The following POTEB3 variants were observed in gnomAD, a reference collection of about 807,000 sequenced individuals.
The protein encoded by POTEB3 is POTE ankyrin domain family member B3.
Under a neutral mutation model 39.8 loss-of-function variants are expected in POTEB3, and 5 were observed. That is an observed-to-expected ratio of 0.13 (90% CI 0.07 to 0.26). POTEB3 has a LOEUF of 0.26. POTEB3 is among the 10% of genes least tolerant of loss of function. The pLI is 1.00. For missense variants in POTEB3, 24 were observed against 475.6 expected (o/e 0.05, Z 8.83); for synonymous variants, 5 against 161.5 (o/e 0.03, Z 7.35).
chr15:21,410,780 T>C, intron 10 of POTEB3, 98 bp downstream of exon 10: 1 of 722,402 alleles, frequency 1.4e-6, no homozygotes, highest in Non-Finnish European at 1.9e-6. Context: ...CACACGTGTG[T>C]ATATATATGA....
chr15:21,416,925 G>A (rs1898416542), intron 9 of POTEB3, among the ~76,000 whole-genome samples: 1 of 29,920 alleles, frequency 3.3e-5, no homozygotes, highest in Non-Finnish European at 5.5e-5. Flanking sequence ...GGGAGACAGA[G>A]TGAAACTCTG....
chr15:21,431,052 A>G (rs1455580899), intron 4 of POTEB3, among the ~76,000 whole-genome samples: 3 of 149,476 alleles, frequency 2.0e-5, no homozygotes, highest in African/African-American at 7.4e-5. Context: ...TCTTGTGTGA[A>G]TCCAAAGCGT....
intron 3 of POTEB3, among the ~76,000 whole-genome samples, chr15:21,433,684 A>G (rs1321069206): frequency 1.1e-4 from 17 of 148,502 alleles, no homozygotes; most frequent in African/African-American, 3.5e-4. Flanking sequence ...AAGGTCTAGT[A>G]AACTCAAAAT....
Position 21,411,012 on chromosome 15 carries a change from T to C in POTEB3, c.1410-11A>G, listed in dbSNP as rs1898311649. On this transcript the variant is annotated splice_polypyrimidine_tract_variant and intron_variant, in intron 9 of 10. Transcript: ENST00000611217. ...TCATTTTGTTCGTCACTAGAAGAAATTTTAATTTTCATGAAATACTGGAGG... is the reference window on the plus strand; with the variant it reads ...TCATTTTGTTCGTCACTAGAAGAAACTTTAATTTTCATGAAATACTGGAGG... The C allele has an allele frequency of 9.3e-7, 1 of 1,073,722 alleles. No individual in the cohort carries two copies. The highest frequency in any genetic ancestry group is 3.9e-5 in the East Asian group (1 of 25,352). 66.5% of individuals were successfully genotyped at this position (1,073,722 alleles called of 1,614,324 possible).
chr15:21,414,633 C>CTGT (rs1898381159), intron 9 of POTEB3, among the ~76,000 whole-genome samples: 2 of 80,566 alleles, frequency 2.5e-5, no homozygotes, highest in Non-Finnish European at 4.4e-5. Flanking sequence ...CACGCAGCAG[C>CTGT]ACCTGCTCCA....
chr15:21,434,427 T>C lies in POTEB3; in HGVS notation c.810+234A>G, dbSNP rs1385750266. Among the ~76,000 whole-genome samples, 138 of 76,488 alleles carry C rather than the reference T, an allele frequency of 1.8e-3. 22 individuals carry two copies. Among genetic ancestry groups the C allele is most frequent in the South Asian group, 7.6e-3 (22 of 2,908 alleles). 50.2% of individuals were successfully genotyped at this position (76,488 alleles called of 152,430 possible). A position where few individuals can be genotyped will look rare whatever the true frequency, so the allele number is the denominator to read the frequency against. On this transcript the variant is annotated intron_variant, in intron 3 of 10. Transcript: ENST00000611217. ...AAAGTATTACCTTTTACAAATTCCG[T>C]GTTTTTTTTTTTTAAAAGCATTAAC...
chr15:21,434,050 CACACACACACACACAA>C (rs1284039315), intron 3 of POTEB3, among the ~76,000 whole-genome samples: 13,433 of 129,240 alleles, frequency 0.1, 490 homozygotes, highest in African/African-American at 0.19. Context: ...CACACACACA[CACACACACACACACAA>C]ACAAAAACAA....
At chr15:21,430,564 T>C (rs1379813549) in intron 4 of POTEB3, among the ~76,000 whole-genome samples, 163 bp from the exon 5 acceptor site, 3 of 150,020 alleles carry the variant, frequency 2.0e-5, no homozygotes, top group Non-Finnish European at 3.0e-5. Flanking sequence ...GAGTTCATCT[T>C]TGTAAAATAC....
Position 21,434,727 on chromosome 15 carries a change from G to A in POTEB3, c.744C>T (p.Tyr248=), listed in dbSNP as rs1396717359. Residue 248 remains tyrosine (Y), a synonymous_variant, in exon 3 of 11, where the codon TAC becomes TAT. Transcript: ENST00000611217. The part of the protein sequence containing the change: ...YGNTALHYAI[Y]NEDKLMAKAL... ...CTTTGGCCATTAATTTATCTTCATTGTAGATAGCATAGTGTAGAGCGGTAT... is the reference window on the plus strand; with the variant it reads ...CTTTGGCCATTAATTTATCTTCATTATAGATAGCATAGTGTAGAGCGGTAT... 3,950 of 78,124 alleles carry A rather than the reference G, an allele frequency of 0.051. 7 individuals are homozygous for A. Among genetic ancestry groups the A allele is most frequent in the Middle Eastern group, 0.069 (22 of 320 alleles). The allele number at this position is 78,124 out of a possible 1,614,324, so 4.8% of individuals were successfully genotyped here.
chr15:21,433,175 G>A (rs1344152317), intron 3 of POTEB3, among the ~76,000 whole-genome samples: 1 of 151,130 alleles, frequency 6.6e-6, no homozygotes, highest in Non-Finnish European at 1.5e-5. Context: ...AATATCTGAA[G>A]TTTCTGAGAT....
intron 6 of POTEB3, among the ~76,000 whole-genome samples, chr15:21,424,427 GC>G (rs1379538383): frequency 1.0e-5 from 1 of 97,476 alleles, no homozygotes; most frequent in East Asian, 2.5e-4. Flanking sequence ...TTAAATGCTA[GC>G]CTATACAAAA....
At chr15:21,424,819 A>G in intron 6 of POTEB3, among the ~76,000 whole-genome samples, 1 of 150,350 alleles carries the variant, frequency 6.7e-6, no homozygotes, top group African/African-American at 2.5e-5. Context: ...TCATTCAATT[A>G]TCACTAAATC....
chr15:21,436,559 T>C (rs1380493898), intron 1 of POTEB3, among the ~76,000 whole-genome samples: 2 of 142,424 alleles, frequency 1.4e-5, no homozygotes, highest in African/African-American at 5.3e-5. Flanking sequence ...GCTAAAACAG[T>C]GTTTACCCAA....
chr15:21,414,098 T>G (rs1340906213), intron 9 of POTEB3, among the ~76,000 whole-genome samples: 1 of 83,268 alleles, frequency 1.2e-5, no homozygotes, highest in Admixed American at 1.0e-4. Flanking sequence ...GAGGTAAAGA[T>G]GTATAAGAAT....
chr15:21,422,499 GA>G (rs1199534264), intron 6 of POTEB3, among the ~76,000 whole-genome samples: 1 of 132,736 alleles, frequency 7.5e-6, no homozygotes, highest in Non-Finnish European at 1.6e-5. Context: ...TCCTAATAGT[GA>G]AGCAGTAAAT....
chr15:21,428,317 G>A (rs1898810659), intron 5 of POTEB3, among the ~76,000 whole-genome samples: 1 of 145,490 alleles, frequency 6.9e-6, no homozygotes, highest in African/African-American at 2.6e-5. Flanking sequence ...TTCAGGAAAT[G>A]TTATTAAGTC....
chr15:21,433,597 G>A (rs1238430112), intron 3 of POTEB3, among the ~76,000 whole-genome samples: 21 of 150,224 alleles, frequency 1.4e-4, no homozygotes, highest in African/African-American at 5.2e-4. Flanking sequence ...TTGAGGATTT[G>A]GCCAAAAAGA....
chr15:21,433,206 C>T (rs1374108021), intron 3 of POTEB3, among the ~76,000 whole-genome samples: 1 of 151,302 alleles, frequency 6.6e-6, no homozygotes, highest in Non-Finnish European at 1.5e-5. Flanking sequence ...ACATATTACA[C>T]TTCTGTATTC....
chr15:21,429,142 G>A (rs1379015819), intron 5 of POTEB3, among the ~76,000 whole-genome samples: 2 of 149,324 alleles, frequency 1.3e-5, no homozygotes, highest in African/African-American at 4.9e-5. Context: ...AAAATCTTGA[G>A]CTAGAGATGG....
Sources: allele counts gnomAD v4.1 joint callset (sites outside exome capture counted in the v4.1 genomes callset), GRCh38; gene constraint gnomAD v4.1.1; transcripts MANE v1.5; gene names NCBI Gene and HGNC (gene_info 2026-07-23, HGNC 2026-07-21).